Variants in PGLYRP4 observed in about 807,000 individuals in gnomAD.
The protein encoded by PGLYRP4 is peptidoglycan recognition protein 4, also known as PGRP-I-beta.
Under a neutral mutation model 41.2 loss-of-function variants are expected in PGLYRP4, and 39 were observed. That is an observed-to-expected ratio of 0.95 (90% CI 0.73 to 1.24). The LOEUF (loss-of-function observed/expected upper bound fraction) is 1.24, where lower values mean the gene tolerates loss of function less well. Among genes scored for constraint, PGLYRP4 ranks in the 50% most tolerant of loss-of-function variants. The pLI is 0.00. For missense variants in PGLYRP4, 467 were observed against 460.7 expected (o/e 1.01, Z -0.13); for synonymous variants, 202 against 186.8 (o/e 1.08, Z -0.66).
At chr1:153,345,073 C>G in intron 4 of PGLYRP4, 96 bp downstream of exon 4, 1 of 922,232 alleles carries the variant, frequency 1.1e-6, no homozygotes, top group East Asian at 2.4e-5. Flanking sequence ...AGGACCACAA[C>G]CCAGAAAATG....
At chr1:153,345,085 G>C in intron 4 of PGLYRP4, 84 bp downstream of exon 4, 1 of 1,029,676 alleles carries the variant, frequency 9.7e-7, no homozygotes. Context: ...CAGAAAATGA[G>C]GAAAAGGGAT....
intron 2 of PGLYRP4, among the ~76,000 whole-genome samples, chr1:153,347,637 G>A (rs1380637360): frequency 6.6e-6 from 1 of 152,122 alleles, no homozygotes; most frequent in African/African-American, 2.4e-5. Flanking sequence ...CTCCCAAAGT[G>A]CTGGGATTAC....
At chr1:153,343,277 A>C (rs1571139817) in intron 4 of PGLYRP4, 69 bp from the exon 5 acceptor site, 128 of 1,004,956 alleles carry the variant, frequency 1.3e-4, no homozygotes, top group Middle Eastern at 2.1e-4. Context: ...GAAACCACTT[A>C]CCCAGCCTCA....
intron 8 of PGLYRP4, among the ~76,000 whole-genome samples, chr1:153,333,127 T>G (rs1452681373): frequency 6.6e-6 from 1 of 152,028 alleles, no homozygotes; most frequent in Non-Finnish European, 1.5e-5. Flanking sequence ...AACAAAAAGT[T>G]GGTTATTTGA....
chr1:153,331,939 A>T (rs1660354836), intron 8 of PGLYRP4, among the ~76,000 whole-genome samples: 1 of 152,232 alleles, frequency 6.6e-6, no homozygotes, highest in East Asian at 1.9e-4. Context: ...AACCATTAAC[A>T]TTATGACAGG....
At chr1:153,336,214 T>A (rs1660552715) in intron 8 of PGLYRP4, among the ~76,000 whole-genome samples, 1 of 151,102 alleles carries the variant, frequency 6.6e-6, no homozygotes, top group Non-Finnish European at 1.5e-5. Flanking sequence ...CTACTAAAAA[T>A]GCAAAAATTA....
Position 153,330,696 on chromosome 1 carries a change from A to T in PGLYRP4, c.*71T>A. The stretch of plus-strand genomic sequence containing the variant: ...GAGGAGGGCAAAAGGTGTTGAGCCA[A>T]GCTGGATGGTTAGGACAGGAGAGAC... On this transcript the variant is annotated 3_prime_UTR_variant, in exon 9 of 9. Coordinates refer to ENST00000359650, the MANE Select transcript of PGLYRP4 (RefSeq NM_020393.4). The T allele has an allele frequency of 7.2e-7, 1 of 1,393,984 alleles. No homozygotes were observed. Among genetic ancestry groups the T allele is most frequent in the Admixed American group, 1.9e-5 (1 of 52,634 alleles). The allele number at this position is 1,393,984 out of a possible 1,614,324, so 86.4% of individuals were successfully genotyped here.
At chr1:153,339,146 C>T (rs1254416538) in intron 7 of PGLYRP4, among the ~76,000 whole-genome samples, 4 of 152,228 alleles carry the variant, frequency 2.6e-5, no homozygotes, top group Non-Finnish European at 4.4e-5. Context: ...CAGGCAACTA[C>T]CCTCTGAGAC....
Position 153,346,633 on chromosome 1 carries a change from C to T in PGLYRP4, c.50-442G>A, listed in dbSNP as rs186025654. ...GTTCCCCCGGGATTGATTTTAGGGA[C>T]GTGTGCTATGCCCATTCTCCTGTCT... is the stretch of plus-strand genomic sequence containing the variant. On this transcript the variant is annotated intron_variant, in intron 2 of 8. Coordinates refer to ENST00000359650, the MANE Select transcript of PGLYRP4 (RefSeq NM_020393.4). Among the ~76,000 whole-genome samples, 4 of 152,336 alleles carry T rather than the reference C, an allele frequency of 2.6e-5. No homozygotes were observed. In the East Asian group the frequency reaches 7.7e-4, roughly 29 times the overall value.
chr1:153,347,288 C>T (rs969281543), intron 2 of PGLYRP4, among the ~76,000 whole-genome samples: 1 of 151,946 alleles, frequency 6.6e-6, no homozygotes, highest in African/African-American at 2.4e-5. Flanking sequence ...ATCTGCATGC[C>T]TCGGCTTCCC....
intron 8 of PGLYRP4, among the ~76,000 whole-genome samples, chr1:153,333,336 C>T (rs1660413903): frequency 1.3e-5 from 2 of 152,036 alleles, no homozygotes; most frequent in South Asian, 4.1e-4. Flanking sequence ...TGGATAAATT[C>T]CTGGAAACAT....
intron 2 of PGLYRP4, among the ~76,000 whole-genome samples, chr1:153,347,400 C>T (rs187507523): frequency 2.6e-5 from 4 of 151,896 alleles, no homozygotes; most frequent in East Asian, 1.9e-4. Context: ...GACAAGTTCT[C>T]GCTCTGTCAC....
chr1:153,345,138 A>G (rs1203306172), intron 4 of PGLYRP4, 31 bp downstream of exon 4: 6 of 1,551,880 alleles, frequency 3.9e-6, no homozygotes, highest in Non-Finnish European at 5.3e-6. Context: ...AACACTGACC[A>G]TGTGCCGTGG....
intron 8 of PGLYRP4, among the ~76,000 whole-genome samples, chr1:153,332,256 A>T (rs1315319614): frequency 6.6e-6 from 1 of 152,206 alleles, no homozygotes; most frequent in East Asian, 1.9e-4. Flanking sequence ...TCAATTCAAT[A>T]AGAAGCTATA....
At position 153,343,176 on chromosome 1, in the gene PGLYRP4, T is replaced by C; in HGVS notation, c.386A>G (p.Glu129Gly). 6.2e-7 allele frequency: 1 copy of C among 1,613,702 alleles called. No individual in the cohort carries two copies. The highest frequency in any genetic ancestry group is 2.2e-5 in the East Asian group (1 of 44,878). ...TCCTTGGATATTCCAGCCAACACCT[T>C]CATACACCCTGCCATCATCCCCAAC... Reference protein sequence around the residue: ...FLVGDDGRVYEGVGWNIQGVH... With the variant: ...FLVGDDGRVYGGVGWNIQGVH... Residue 129 changes from glutamate to glycine, a missense_variant, in exon 5 of 9, where the codon GAA becomes GGA. Coordinates refer to ENST00000359650, the MANE Select transcript of PGLYRP4 (RefSeq NM_020393.4).
rs1660762809 is a variant in PGLYRP4, at chr1:153,340,686, C to T, written c.626-107G>A. ...TCAGGACCCTCAACTTCCCAAACCC[C>T]TCTGGGTCTCCCACCCTGCCCCCAA... On this transcript the variant is annotated intron_variant, in intron 6 of 8. Coordinates refer to ENST00000359650, the MANE Select transcript of PGLYRP4 (RefSeq NM_020393.4). The T allele has an allele frequency of 2.7e-6, 3 of 1,123,296 alleles. No homozygotes were observed. In the Admixed American group the frequency reaches 6.4e-5, roughly 24 times the overall value. The allele number at this position is 1,123,296 out of a possible 1,614,324, so 69.6% of individuals were successfully genotyped here.
chr1:153,333,297 T>C (rs1660413244), intron 8 of PGLYRP4, among the ~76,000 whole-genome samples: 1 of 152,104 alleles, frequency 6.6e-6, no homozygotes, highest in Non-Finnish European at 1.5e-5. Flanking sequence ...AGCATCTCTA[T>C]GCATATAAAC....
At chr1:153,340,645 T>C in intron 6 of PGLYRP4, 66 bp from the exon 7 acceptor site, 1 of 1,504,164 alleles carries the variant, frequency 6.6e-7, no homozygotes, top group East Asian at 2.3e-5. Context: ...TTCTCCACCG[T>C]AGGCTGATAT....
chr1:153,344,946 TACTTA>T, intron 4 of PGLYRP4: 1 of 541,842 alleles, frequency 1.8e-6, no homozygotes, highest in Admixed American at 3.1e-5. Flanking sequence ...ATACAGTTAT[TACTTA>T]ACCTTCCTTG....
Sources: gnomAD v4.1 joint callset for allele counts (sites outside exome capture counted in the v4.1 genomes callset) on GRCh38, gnomAD v4.1.1 for gene constraint, MANE v1.5 for transcripts, NCBI Gene and HGNC (gene_info 2026-07-23, HGNC 2026-07-21) for gene names.